MYO16: variants seen among roughly 807,000 people sequenced by gnomAD.
MYO16 encodes the protein unconventional myosin-XVI.
In MYO16, 94 loss-of-function variants were observed where a neutral mutation model predicts 205.3. That is an observed-to-expected ratio of 0.46 (90% CI 0.39 to 0.54). The LOEUF (loss-of-function observed/expected upper bound fraction) is 0.54, where lower values mean the gene tolerates loss of function less well. Among genes scored for constraint, MYO16 ranks in the 20% least tolerant of loss-of-function variants. The probability of loss-of-function intolerance (pLI) is 0.00; values close to 1 mark genes in which losing one functional copy is unlikely to be tolerated. For synonymous variants in MYO16, 988 were observed against 954.0 expected, an observed-to-expected ratio of 1.04 and a Z score of -0.66; for missense variants, 2,315 against 2,387.5, an observed-to-expected ratio of 0.97 and a Z score of 0.63.
At chr13:108,950,481 C>A (rs770046445) in intron 16 of MYO16, among the ~76,000 whole-genome samples, 16 of 152,056 alleles carry the variant, frequency 1.1e-4, no homozygotes, top group Non-Finnish European at 2.4e-4. Context: ...CACATTAAAA[C>A]CCTGATAAGA....
chr13:109,047,955 A>G (rs1223141718), intron 24 of MYO16, among the ~76,000 whole-genome samples: 1 of 152,060 alleles, frequency 6.6e-6, no homozygotes, highest in Non-Finnish European at 1.5e-5. Context: ...AAAACTAACA[A>G]AAAAAACAAA....
At chr13:109,187,609 A>G (rs1440876218) in intron 34 of MYO16, among the ~76,000 whole-genome samples, 2 of 152,096 alleles carry the variant, frequency 1.3e-5, no homozygotes, top group East Asian at 1.9e-4. Flanking sequence ...CTAATTTCCC[A>G]TGGGACTTTC....
At chr13:108,888,293 G>A (rs146730554) in intron 13 of MYO16, 79 bp from the exon 14 acceptor site, 1 of 949,206 alleles carries the variant, frequency 1.1e-6, no homozygotes, top group East Asian at 2.7e-5. Context: ...TTCCTTCAAA[G>A]TAGTTTCAAA....
chr13:108,719,307 A>G (rs1423481048), intron 3 of MYO16, among the ~76,000 whole-genome samples: 1 of 152,172 alleles, frequency 6.6e-6, no homozygotes, highest in Non-Finnish European at 1.5e-5. Context: ...TTCCTTACTT[A>G]TCAGCCTGAA....
intron 12 of MYO16, among the ~76,000 whole-genome samples, chr13:108,872,904 C>G (rs1050797174): frequency 2.6e-5 from 4 of 152,080 alleles, no homozygotes; most frequent in Non-Finnish European, 4.4e-5. Context: ...ACTTGACATC[C>G]ATTATGTAGA....
At chr13:109,163,535 C>A in intron 32 of MYO16, among the ~76,000 whole-genome samples, 1 of 148,254 alleles carries the variant, frequency 6.7e-6, no homozygotes, top group Admixed American at 6.7e-5. Context: ...CCTTCCCTCC[C>A]TCCCTTTCTT....
intron 28 of MYO16, among the ~76,000 whole-genome samples, chr13:109,106,677 G>A (rs758705250): frequency 1.3e-5 from 2 of 152,128 alleles, no homozygotes; most frequent in Non-Finnish European, 2.9e-5. Context: ...TGTCAGAGTC[G>A]GTCCATGTGA....
chr13:108,798,952 G>T lies in MYO16; in HGVS notation c.741+5312G>T, dbSNP rs541443868. Among the ~76,000 whole-genome samples the T allele has an allele frequency of 2.5e-3, 365 of 148,706 alleles. 1 individual carries two copies. The highest frequency in any genetic ancestry group is 8.7e-3 in the African/African-American group (353 of 40,410). On this transcript the variant is annotated intron_variant, in intron 6 of 34. Transcript: ENST00000457511. ...GATCTCCCGACCTCATGATCCACCCGCCTCGGCCTCCCAAAGTGCTGGGAT... is the reference window on the plus strand; with the variant it reads ...GATCTCCCGACCTCATGATCCACCCTCCTCGGCCTCCCAAAGTGCTGGGAT...
chr13:108,898,255 C>A (rs1175094385), intron 15 of MYO16, 122 bp downstream of exon 15: 1 of 761,018 alleles, frequency 1.3e-6, no homozygotes, highest in South Asian at 1.6e-5. Flanking sequence ...ACCTATTCTT[C>A]ATGACCGTGT....
At chr13:108,617,036 T>C (rs1879373988) in intron 1 of MYO16, among the ~76,000 whole-genome samples, 1 of 152,182 alleles carries the variant, frequency 6.6e-6, no homozygotes, top group South Asian at 2.1e-4. Flanking sequence ...TGTTTGCTCA[T>C]CCTTAACTCC....
chr13:108,592,097 G>T (rs1451362351), upstream of MYO16, among the ~76,000 whole-genome samples: 1 of 136,154 alleles, frequency 7.3e-6, no homozygotes, highest in Non-Finnish European at 1.6e-5. Flanking sequence ...GGTGCAGGGG[G>T]CTGTGGGGAG....
At chr13:108,787,865 C>T (rs1244512572) in intron 5 of MYO16, among the ~76,000 whole-genome samples, 1 of 152,220 alleles carries the variant, frequency 6.6e-6, no homozygotes, top group Non-Finnish European at 1.5e-5. Context: ...TCAGCTCATT[C>T]ACAATCTGCT....
chr13:108,940,266 C>T (rs1373505869), intron 16 of MYO16, among the ~76,000 whole-genome samples: 1 of 152,010 alleles, frequency 6.6e-6, no homozygotes, highest in Non-Finnish European at 1.5e-5. Flanking sequence ...GATAAAATTC[C>T]GGTATTTTGG....
chr13:109,003,115 C>A (rs1464438526), intron 21 of MYO16, among the ~76,000 whole-genome samples: 1 of 151,628 alleles, frequency 6.6e-6, no homozygotes, highest in African/African-American at 2.4e-5. Flanking sequence ...TGAAAAAAAA[C>A]ATTCTACTTT....
chr13:109,043,825 C>T (rs9559473), intron 23 of MYO16, among the ~76,000 whole-genome samples: 49,157 of 151,796 alleles, frequency 0.32, 8,963 homozygotes, highest in East Asian at 0.82. Context: ...GAGAGAAGGA[C>T]GAATGAATGA....
the MYO16 span, among the ~76,000 whole-genome samples, chr13:108,542,405 A>G: frequency 6.6e-6 from 1 of 151,888 alleles, no homozygotes; most frequent in African/African-American, 2.4e-5. Flanking sequence ...CTGTAAACCA[A>G]CCCCCAACCC....
chr13:109,046,361 A>G (rs1394379080), intron 23 of MYO16, among the ~76,000 whole-genome samples: 3 of 152,236 alleles, frequency 2.0e-5, no homozygotes, highest in Non-Finnish European at 4.4e-5. Flanking sequence ...CTCTACTAGT[A>G]GGCTGATAAA....
intron 15 of MYO16, among the ~76,000 whole-genome samples, chr13:108,905,148 A>T (rs918163983): frequency 6.6e-6 from 1 of 152,248 alleles, no homozygotes; most frequent in Non-Finnish European, 1.5e-5. Flanking sequence ...GGGCACATGG[A>T]AAAGGGCCTT....
At chr13:108,774,681 G>A (rs1169441760) in intron 4 of MYO16, among the ~76,000 whole-genome samples, 1 of 152,004 alleles carries the variant, frequency 6.6e-6, no homozygotes, top group African/African-American at 2.4e-5. Context: ...CTAAGACAAA[G>A]GCTAACAAGT....
Sources: gnomAD v4.1 joint callset for allele counts (sites outside exome capture counted in the v4.1 genomes callset) on GRCh38, gnomAD v4.1.1 for gene constraint, MANE v1.5 for transcripts, NCBI Gene and HGNC (gene_info 2026-07-23, HGNC 2026-07-21) for gene names.